The following LRRTM2 variants were observed in gnomAD, a reference collection of about 807,000 sequenced individuals.
The protein encoded by LRRTM2 is leucine-rich repeat transmembrane neuronal protein 2.
LRRTM2 carries 14 observed loss-of-function variants against 40.7 expected under a neutral mutation model. That is an observed-to-expected ratio of 0.34 (90% confidence interval 0.23 to 0.54). LRRTM2 has a LOEUF of 0.54. LRRTM2 is among the 20% of genes least tolerant of loss of function. The pLI is 0.92. For synonymous variants in LRRTM2, 223 were observed against 237.6 expected (o/e 0.94, Z 0.57); for missense variants, 468 against 624.4 (o/e 0.75, Z 2.67).
At position 138,873,863 on chromosome 5, in the gene LRRTM2, G is replaced by A. The variant is rs753095418; in HGVS notation, c.698C>T (p.Thr233Met). ...GATTTTGTTCCATTGTAAGAAGAGC[G>A]TGTGCAGACTGCTTAGCCGTAGGAA... ...AHFLRLSSLH[T>M]LFLQWNKISN... Residue 233 changes from threonine (T) to methionine (M), a missense_variant, in exon 2 of 2, where the codon ACG (threonine) becomes ATG (methionine). Physicochemically the swap from Thr to Met is moderately conservative, Grantham distance 81. Transcript: ENST00000274711. This position sits in a 1 kb window ranked among gnomAD's most constrained non-coding sequence, Gnocchi z 6.1. 4.3e-5 allele frequency: 70 copies of A among 1,613,868 alleles called. No individual in the cohort carries two copies. Among genetic ancestry groups the A allele is most frequent in the Middle Eastern group, 1.6e-4 (1 of 6,084 alleles).
chr5:138,875,309 A>C lies in LRRTM2; in HGVS notation c.-398T>G. 1 of 818,550 alleles carries C rather than the reference A, an allele frequency of 1.2e-6. No individual in the cohort carries two copies. The highest frequency in any genetic ancestry group is 1.5e-6 in the Non-Finnish European group (1 of 670,236). 50.7% of individuals were successfully genotyped at this position (818,550 alleles called of 1,614,324 possible). On this transcript the variant is annotated 5_prime_UTR_variant, in exon 1 of 2. Coordinates refer to ENST00000274711, the MANE Select transcript of LRRTM2 (RefSeq NM_015564.3). ...AGCAGCATGAGTGCATTTACTGAAA[A>C]GCTTTTCCGAGAAACGGCACAAGAA...
rs775184039 is a variant in LRRTM2, at chr5:138,870,193, G to A, written c.*2817C>T. The A allele has an allele frequency of 6.6e-6, 1 of 152,212 alleles. No individual in the cohort carries two copies. Among genetic ancestry groups the A allele is most frequent in the Non-Finnish European group, 1.5e-5 (1 of 68,032 alleles). The allele number at this position is 152,212 out of a possible 1,614,324, so 9.4% of individuals were successfully genotyped here. A position where few individuals can be genotyped will look rare whatever the true frequency, so the allele number is the denominator to read the frequency against. On this transcript the variant is annotated 3_prime_UTR_variant, in exon 2 of 2. Transcript: ENST00000274711. ...ACACTGTGTAACCAAGATCCGCAGC[G>A]TTGCTGTGATGCTGTTCCGTTCTAG... is the stretch of plus-strand genomic sequence containing the variant.
At position 138,871,861 on chromosome 5, in the gene LRRTM2, A is replaced by G. The variant is rs963313893; in HGVS notation, c.*1149T>C. 1 of 152,034 alleles carries G rather than the reference A, an allele frequency of 6.6e-6. No homozygotes were observed. The highest frequency in any genetic ancestry group is 2.4e-5 in the African/African-American group (1 of 41,524). 9.4% of individuals were successfully genotyped at this position (152,034 alleles called of 1,614,324 possible). ...TAATAGTTGGAAAGTGTTTTTTTTC[A>G]TGGTTCCTTTGTAATACAATAAGAA... On this transcript the variant is annotated 3_prime_UTR_variant, in exon 2 of 2. Coordinates refer to ENST00000274711, the MANE Select transcript of LRRTM2 (RefSeq NM_015564.3).
rs1344904378 is a variant in LRRTM2 at position 138,873,814 on chromosome 5, C to A, written c.747G>T (p.Glu249Asp). The A allele has an allele frequency of 2.5e-6, 4 of 1,613,904 alleles. No individual in the cohort carries two copies. The highest frequency in any genetic ancestry group is 3.4e-6 in the Non-Finnish European group (4 of 1,179,906). ...NKISNLTCGM[E>D]WTWGTLEKLD... is the part of the protein sequence containing the mutation. Reference sequence around the variant, plus strand: ...GCTTTTCTAAAGTGCCCCAGGTCCACTCCATCCCACATGTCAAGTTGCTGA... The same window carrying A: ...GCTTTTCTAAAGTGCCCCAGGTCCAATCCATCCCACATGTCAAGTTGCTGA... The change falls in exon 2 of 2, where the codon GAG becomes GAT. Residue 249 changes from glutamate to aspartate, a missense_variant. Transcript: ENST00000274711. The surrounding 1 kb of genome is among the most constrained non-coding windows in gnomAD (Gnocchi z 6.1).
At position 138,871,657 on chromosome 5, in the gene LRRTM2, G is replaced by A. The variant is rs1735944640; in HGVS notation, c.*1353C>T. On this transcript the variant is annotated 3_prime_UTR_variant, in exon 2 of 2. Coordinates refer to ENST00000274711, the MANE Select transcript of LRRTM2 (RefSeq NM_015564.3). ...ACCTGAGAGTCAGATTTCAAAATCT[G>A]CCTTTCCTTTTAATCCCTCACCTCT... 1 of 152,190 alleles carries A rather than the reference G, an allele frequency of 6.6e-6. No homozygotes were observed. The highest frequency in any genetic ancestry group is 2.4e-5 in the African/African-American group (1 of 41,442). 9.4% of individuals were successfully genotyped at this position (152,190 alleles called of 1,614,324 possible).
rs768440213 is a variant in LRRTM2, at chr5:138,875,317, C to T, written c.-406G>A. On this transcript the variant is annotated 5_prime_UTR_variant, in exon 1 of 2. Transcript: ENST00000274711. ...GAGTGCATTTACTGAAAAGCTTTTC[C>T]GAGAAACGGCACAAGAATGGATTTG... The T allele has an allele frequency of 7.7e-5, 69 of 899,554 alleles. No individual in the cohort carries two copies. Among genetic ancestry groups the T allele is most frequent in the Non-Finnish European group, 9.1e-5 (68 of 745,726 alleles). The allele number at this position is 899,554 out of a possible 1,614,324, so 55.7% of individuals were successfully genotyped here. A position where few individuals can be genotyped will look rare whatever the true frequency, so the allele number is the denominator to read the frequency against.
In LRRTM2 at chr5:138,874,995, A is replaced by G; in HGVS notation, c.-84T>C. 7.1e-7 allele frequency: 1 copy of G among 1,402,704 alleles called. No individual in the cohort carries two copies. Among genetic ancestry groups the G allele is most frequent in the Non-Finnish European group, 1.0e-6 (1 of 997,554 alleles). 86.9% of individuals were successfully genotyped at this position (1,402,704 alleles called of 1,614,324 possible). The stretch of plus-strand genomic sequence containing the variant: ...TCTGTAAAAGGCTCTAACATGTAGG[A>G]GCCTTTGACCAGTTTCCTGTTTTCT... On this transcript the variant is annotated 5_prime_UTR_variant, in exon 1 of 2. Coordinates refer to ENST00000274711, the MANE Select transcript of LRRTM2 (RefSeq NM_015564.3). This position sits in a 1 kb window ranked among gnomAD's most constrained non-coding sequence, Gnocchi z 4.1.
Position 138,874,767 on chromosome 5 carries a change from C to T in LRRTM2, c.4+141G>A, listed in dbSNP as rs1751119266. ...AAAAGAAGATAAAACATGTCTCTGT[C>T]ATCATCGATATATGCTTTTACCTAA... On this transcript the variant is annotated intron_variant, in intron 1 of 1. Transcript: ENST00000274711. This position sits in a 1 kb window ranked among gnomAD's most constrained non-coding sequence, Gnocchi z 4.1. 1.2e-6 allele frequency: 1 copy of T among 824,298 alleles called. No individual in the cohort carries two copies. The highest frequency in any genetic ancestry group is 1.9e-6 in the Non-Finnish European group (1 of 517,268). 51.1% of individuals were successfully genotyped at this position (824,298 alleles called of 1,614,324 possible). A position where few individuals can be genotyped will look rare whatever the true frequency, so the allele number is the denominator to read the frequency against.
chr5:138,869,482 A>G lies in LRRTM2; in HGVS notation c.*3528T>C, dbSNP rs1484809034. The stretch of plus-strand genomic sequence containing the variant: ...CTGTCGCTGTATTCCTGTATTAGGA[A>G]AACGATCATGTAAGTCAGCTGTTAA... On this transcript the variant is annotated 3_prime_UTR_variant, in exon 2 of 2. Coordinates refer to ENST00000274711, the MANE Select transcript of LRRTM2 (RefSeq NM_015564.3). The G allele has an allele frequency of 1.3e-5, 2 of 152,144 alleles. No homozygotes were observed. Among genetic ancestry groups the G allele is most frequent in the Non-Finnish European group, 2.9e-5 (2 of 68,020 alleles). The allele number at this position is 152,144 out of a possible 1,614,324, so 9.4% of individuals were successfully genotyped here.
rs28363435 is a variant in LRRTM2, at chr5:138,874,363, C to T, written c.198G>A (p.Leu66=). 24 of 1,614,002 alleles carry T rather than the reference C, an allele frequency of 1.5e-5. No homozygotes were observed. In the African/African-American group the frequency reaches 2.0e-4, roughly 13 times the overall value. Residue 66 remains leucine, a synonymous_variant, in exon 2 of 2, where the codon CTG becomes CTA. Transcript: ENST00000274711. The surrounding 1 kb of genome is among the most constrained non-coding windows in gnomAD (Gnocchi z 4.1). ...PNATDKGSLG[L]SLRHNHITEL... Reference sequence around the variant, plus strand: ...CTGTGATGTGATTGTGCCTCAGGGACAGGCCCAGAGAGCCCTTGTCTGTGG... The same window carrying T: ...CTGTGATGTGATTGTGCCTCAGGGATAGGCCCAGAGAGCCCTTGTCTGTGG...
chr5:138,874,121 G>T lies in LRRTM2; in HGVS notation c.440C>A (p.Ser147Tyr). Residue 147 changes from serine (S) to tyrosine (Y), a missense_variant, in exon 2 of 2, where the codon TCT becomes TAT. Coordinates refer to ENST00000274711, the MANE Select transcript of LRRTM2 (RefSeq NM_015564.3). The surrounding 1 kb of genome is among the most constrained non-coding windows in gnomAD (Gnocchi z 4.1). ...GCCATAGAAGAGCTCTGGGTGCAGA[G>T]ATGACAGCTGATTAAAAGACAGGTC... ...NLDLSFNQLS[S>Y]LHPELFYGLR... 1 of 1,613,748 alleles carries T rather than the reference G, an allele frequency of 6.2e-7. No individual in the cohort carries two copies. Among genetic ancestry groups the T allele is most frequent in the Admixed American group, 1.7e-5 (1 of 59,932 alleles).
Position 138,870,840 on chromosome 5 carries a change from G to GT in LRRTM2, c.*2169dup, listed in dbSNP as rs1164550235. ...TAGGGGCTTCTAATTCAGCCTGTCTGTGGGGAAGTAGGGCGCTGTGCTCTA... is the reference window on the plus strand; with the variant it reads ...TAGGGGCTTCTAATTCAGCCTGTCTGTTGGGGAAGTAGGGCGCTGTGCTCTA... On this transcript the variant is annotated 3_prime_UTR_variant, in exon 2 of 2. Coordinates refer to ENST00000274711, the MANE Select transcript of LRRTM2 (RefSeq NM_015564.3). 6.6e-6 allele frequency: 1 copy of GT among 152,160 alleles called. No homozygotes were observed. The highest frequency in any genetic ancestry group is 2.4e-5 in the African/African-American group (1 of 41,434). 9.4% of individuals were successfully genotyped at this position (152,160 alleles called of 1,614,324 possible). A position where few individuals can be genotyped will look rare whatever the true frequency, so the allele number is the denominator to read the frequency against.
In LRRTM2 at chr5:138,871,077, A is replaced by G. The variant is rs1331909344; in HGVS notation, c.*1933T>C. ...GATGTTAGGTGAAGGGTACTAAGGT[A>G]CCCATCTCTTAGTATTAAAGAAGAA... On this transcript the variant is annotated 3_prime_UTR_variant, in exon 2 of 2. Transcript: ENST00000274711. 2.0e-5 allele frequency: 3 copies of G among 152,124 alleles called. No individual in the cohort carries two copies. Among genetic ancestry groups the G allele is most frequent in the African/African-American group, 7.2e-5 (3 of 41,436 alleles). The allele number at this position is 152,124 out of a possible 1,614,324, so 9.4% of individuals were successfully genotyped here.
rs759843354 is a variant in LRRTM2 at position 138,873,031 on chromosome 5, T to C, written c.1530A>G (p.Pro510=). The C allele has an allele frequency of 3.1e-6, 5 of 1,607,600 alleles. No individual in the cohort carries two copies. Among genetic ancestry groups the C allele is most frequent in the South Asian group, 2.2e-5 (2 of 89,860 alleles). The change falls in exon 2 of 2, where the codon CCA becomes CCG. Residue 510 remains proline, a synonymous_variant. Transcript: ENST00000274711. The surrounding 1 kb of genome is among the most constrained non-coding windows in gnomAD (Gnocchi z 6.1). ...GYGQCKCQQL[P]YKECEV ...GATATTATACTTCACATTCTTTGTA[T>C]GGCAGCTGCTGACACTTGCACTGTC... is the stretch of plus-strand genomic sequence containing the variant.
Position 138,871,971 on chromosome 5 carries a change from T to G in LRRTM2, c.*1039A>C, listed in dbSNP as rs1489345859. ...TCAGGAAAAAGCAGAAGAAAGAGGT[T>G]TAAACCCCTTTGTCAAGGCATCTTT... On this transcript the variant is annotated 3_prime_UTR_variant, in exon 2 of 2. Transcript: ENST00000274711. 1.3e-5 allele frequency: 2 copies of G among 151,834 alleles called. No homozygotes were observed. The highest frequency in any genetic ancestry group is 2.9e-5 in the Non-Finnish European group (2 of 68,006). The allele number at this position is 151,834 out of a possible 1,614,324, so 9.4% of individuals were successfully genotyped here.
Position 138,874,896 on chromosome 5 carries a change from G to GCA in LRRTM2, c.4+10_4+11dup. 1 of 1,612,254 alleles carries GCA rather than the reference G, an allele frequency of 6.2e-7. No homozygotes were observed. Among genetic ancestry groups the GCA allele is most frequent in the Non-Finnish European group, 8.5e-7 (1 of 1,178,772 alleles). On this transcript the variant is annotated intron_variant, in intron 1 of 1. Transcript: ENST00000274711. This position sits in a 1 kb window ranked among gnomAD's most constrained non-coding sequence, Gnocchi z 4.1. ...TGTTGAATGTACAAGACATATAAAT[G>GCA]CACAGACTTACCCATTCTTCTGAGC... is the stretch of plus-strand genomic sequence containing the variant.
chr5:138,873,539 C>T lies in LRRTM2; in HGVS notation c.1022G>A (p.Ser341Asn), dbSNP rs537690931. 5.0e-6 allele frequency: 8 copies of T among 1,613,984 alleles called. No homozygotes were observed. The East Asian group carries it at 1.8e-4, about 36-fold the overall frequency. The change falls in exon 2 of 2, where the codon AGT becomes AAT. Residue 341 changes from serine to asparagine, a missense_variant. Coordinates refer to ENST00000274711, the MANE Select transcript of LRRTM2 (RefSeq NM_015564.3). This position sits in a 1 kb window ranked among gnomAD's most constrained non-coding sequence, Gnocchi z 6.1. ...ATCCTCTCCTTGGGTGTGGTCAGGACTGTGGCATAGGATGGAGTGTTCCCA... is the reference window on the plus strand; with the variant it reads ...ATCCTCTCCTTGGGTGTGGTCAGGATTGTGGCATAGGATGGAGTGTTCCCA... ...GRWEHSILCH[S>N]PDHTQGEDIL...
rs1033331709 is a variant in LRRTM2, at chr5:138,874,813, A to G, written c.4+95T>C. 4.9e-6 allele frequency: 6 copies of G among 1,228,772 alleles called. No individual in the cohort carries two copies. Among genetic ancestry groups the G allele is most frequent in the African/African-American group, 4.5e-5 (3 of 66,434 alleles). The allele number at this position is 1,228,772 out of a possible 1,614,324, so 76.1% of individuals were successfully genotyped here. On this transcript the variant is annotated intron_variant, in intron 1 of 1. Coordinates refer to ENST00000274711, the MANE Select transcript of LRRTM2 (RefSeq NM_015564.3). This position sits in a 1 kb window ranked among gnomAD's most constrained non-coding sequence, Gnocchi z 4.1. ...CCTAAACCTCAAAATCCAAAATATG[A>G]TGGTGATTTCCCTCATAAAATGTGA...
Position 138,870,207 on chromosome 5 carries a change from G to A in LRRTM2, c.*2803C>T, listed in dbSNP as rs1035373246. 1 of 152,216 alleles carries A rather than the reference G, an allele frequency of 6.6e-6. No individual in the cohort carries two copies. The highest frequency in any genetic ancestry group is 2.4e-5 in the African/African-American group (1 of 41,448). The allele number at this position is 152,216 out of a possible 1,614,324, so 9.4% of individuals were successfully genotyped here. On this transcript the variant is annotated 3_prime_UTR_variant, in exon 2 of 2. Transcript: ENST00000274711. ...AGATCCGCAGCGTTGCTGTGATGCT[G>A]TTCCGTTCTAGCCAGTTGGTAAAGA...
Sources: allele counts gnomAD v4.1 joint callset, GRCh38; gene constraint gnomAD v4.1.1; non-coding constraint Gnocchi (gnomAD v3.1); transcripts MANE v1.5; gene names NCBI Gene and HGNC (gene_info 2026-07-23, HGNC 2026-07-21).